Variants in HTN3 observed in about 807,000 individuals in gnomAD.
HTN3 encodes the protein histatin 3.
Under a neutral mutation model 10.6 loss-of-function variants are expected in HTN3, and 15 were observed. That is an observed-to-expected ratio of 1.42 (90% confidence interval 0.95 to 2.18). The LOEUF is 2.18. Among genes scored for constraint, HTN3 ranks in the 30% most tolerant of loss-of-function variants. The probability of loss-of-function intolerance (pLI) is 0.00; values close to 1 mark genes in which losing one functional copy is unlikely to be tolerated. For missense variants in HTN3, 68 were observed against 58.0 expected (o/e 1.17, Z -0.56); for synonymous variants, 15 against 16.9 (o/e 0.89, Z 0.27).
chr4:70,032,317 G>A (rs1232244699), intron 4 of HTN3, among the ~76,000 whole-genome samples: 4 of 152,090 alleles, frequency 2.6e-5, no homozygotes, highest in Middle Eastern at 6.8e-3. Flanking sequence ...ATTACACTCT[G>A]AATAAGTCAA....
intron 5 of HTN3, among the ~76,000 whole-genome samples, chr4:70,035,904 G>A (rs998315073): frequency 1.3e-5 from 2 of 152,124 alleles, no homozygotes. Context: ...TCCTCCAGGT[G>A]TTAGATAATT....
rs770364282 is a variant in HTN3 at position 70,032,127 on chromosome 4, T to C, written c.102+20T>C. ...TTCCATGTAAGTGTTCTTCTGATAA[T>C]GTGCACTCTGAATAAGTTTTCTTCT... On this transcript the variant is annotated intron_variant, in intron 4 of 5. Transcript: ENST00000673563. The C allele has an allele frequency of 6.9e-7, 1 of 1,453,300 alleles. No individual in the cohort carries two copies. Among genetic ancestry groups the C allele is most frequent in the African/African-American group, 1.4e-5 (1 of 70,978 alleles). The allele number at this position is 1,453,300 out of a possible 1,614,324, so 90.0% of individuals were successfully genotyped here.
In HTN3 at chr4:70,036,264, T is replaced by C. The variant is rs1725514269; in HGVS notation, c.*34-3T>C. The C allele has an allele frequency of 6.6e-6, 1 of 152,240 alleles. No homozygotes were observed. The highest frequency in any genetic ancestry group is 1.5e-5 in the Non-Finnish European group (1 of 68,034). The allele number at this position is 152,240 out of a possible 1,614,324, so 9.4% of individuals were successfully genotyped here. On this transcript the variant is annotated splice_region_variant and splice_polypyrimidine_tract_variant and intron_variant, in intron 5 of 5. Coordinates refer to ENST00000673563, the MANE Select transcript of HTN3 (RefSeq NM_000200.3). ...TAAAGTGTTATTTTCTTTTTCTTCA[T>C]AGGTTTGACTGGCAAATTCGCTTTG...
In HTN3 at chr4:70,033,220, A is replaced by G. The variant is rs1483636949; in HGVS notation, c.156A>G (p.Ter52TrpextTer4). The G allele has an allele frequency of 6.3e-7, 1 of 1,583,328 alleles. No homozygotes were observed. The highest frequency in any genetic ancestry group is 8.6e-7 in the Non-Finnish European group (1 of 1,156,192). ...GYRSNYLYDN[*>W] Reference sequence around the variant, plus strand: ...GATCAAATTATCTGTATGACAATTGATATCTTCAGTAATCACGGGGCATGA... The same window carrying G: ...GATCAAATTATCTGTATGACAATTGGTATCTTCAGTAATCACGGGGCATGA... Residue 52 changes from the stop codon to tryptophan (W), a stop_lost, in exon 5 of 6, where the codon TGA (stop) becomes TGG (tryptophan). Coordinates refer to ENST00000673563, the MANE Select transcript of HTN3 (RefSeq NM_000200.3).
intron 4 of HTN3, 106 bp from the exon 5 acceptor site, chr4:70,033,061 T>C (rs1300574013): frequency 6.6e-6 from 5 of 761,748 alleles, no homozygotes; most frequent in South Asian, 3.4e-5. Context: ...CACGAGGTCA[T>C]AACAACTTTA....
At chr4:70,033,108 T>C in intron 4 of HTN3, 59 bp from the exon 5 acceptor site, 1 of 1,272,680 alleles carries the variant, frequency 7.9e-7, no homozygotes, top group Non-Finnish European at 1.1e-6. Flanking sequence ...TTGTGAAGCA[T>C]TTTTACTGTC....
chr4:70,035,680 C>T (rs1294017576), intron 5 of HTN3, among the ~76,000 whole-genome samples: 1 of 152,066 alleles, frequency 6.6e-6, no homozygotes. Flanking sequence ...GTCATTTTTA[C>T]TTATCTATAT....
chr4:70,032,217 C>A, intron 4 of HTN3, 110 bp downstream of exon 4: 2 of 771,336 alleles, frequency 2.6e-6, no homozygotes, highest in Admixed American at 3.0e-5. Context: ...TCATTAATTG[C>A]TAAAGTGTAC....
In HTN3 at chr4:70,028,491, T is replaced by G. The variant is rs148888915; in HGVS notation, c.-39T>G. 325 of 152,320 alleles carry G rather than the reference T, an allele frequency of 2.1e-3. 3 individuals carry two copies. Among genetic ancestry groups the G allele is most frequent in the African/African-American group, 7.6e-3 (314 of 41,560 alleles). 9.4% of individuals were successfully genotyped at this position (152,320 alleles called of 1,614,324 possible). On this transcript the variant is annotated 5_prime_UTR_variant, in exon 1 of 6. Coordinates refer to ENST00000673563, the MANE Select transcript of HTN3 (RefSeq NM_000200.3). Reference sequence around the variant, plus strand: ...GAGACTTCACTTCAGCTTCACTGACTTCTGGATTCTCCTCTTGAGTAAAAG... The same window carrying G: ...GAGACTTCACTTCAGCTTCACTGACGTCTGGATTCTCCTCTTGAGTAAAAG...
chr4:70,030,013 T>C (rs914059883), intron 1 of HTN3, among the ~76,000 whole-genome samples: 1 of 152,218 alleles, frequency 6.6e-6, no homozygotes, highest in East Asian at 1.9e-4. Flanking sequence ...TCTAAATATG[T>C]CTTTACACTG....
At chr4:70,031,650 G>A (rs1578173867) in intron 2 of HTN3, among the ~76,000 whole-genome samples, 1 of 152,028 alleles carries the variant, frequency 6.6e-6, no homozygotes, top group East Asian at 1.9e-4. Context: ...GAGCTACATA[G>A]AACATATTCA....
intron 2 of HTN3, 36 bp downstream of exon 2, chr4:70,030,827 C>T (rs763376208): frequency 3.4e-6 from 5 of 1,457,564 alleles, no homozygotes; most frequent in Middle Eastern, 3.5e-4. Context: ...GATACATTCT[C>T]AGTACTTATC....
chr4:70,033,327 A>G, intron 5 of HTN3, 74 bp downstream of exon 5: 1 of 688,830 alleles, frequency 1.5e-6, no homozygotes, highest in South Asian at 1.9e-5. Context: ...AATTAAAAAA[A>G]AGCCATTAAG....
chr4:70,032,229 T>C (rs111345058), intron 4 of HTN3, 122 bp downstream of exon 4: 4 of 722,910 alleles, frequency 5.5e-6, no homozygotes, highest in African/African-American at 1.8e-5. Context: ...AAAGTGTACA[T>C]TGATTTCATT....
At chr4:70,031,552 G>A (rs1725381941) in intron 2 of HTN3, 1 of 155,952 alleles carries the variant, frequency 6.4e-6, no homozygotes, top group African/African-American at 2.4e-5. Flanking sequence ...AAGGATAGAA[G>A]TAGAAAAATA....
intron 4 of HTN3, 103 bp from the exon 5 acceptor site, chr4:70,033,064 C>CA: frequency 1.3e-6 from 1 of 779,642 alleles, no homozygotes; most frequent in Admixed American, 2.5e-5. Context: ...GAGGTCATAA[C>CA]AACTTTAACA....
intron 5 of HTN3, chr4:70,034,170 C>A (rs764493816): frequency 6.6e-6 from 1 of 151,946 alleles, no homozygotes; most frequent in East Asian, 1.9e-4. Context: ...GAAGAAAATG[C>A]CAAAAGCAAT....
chr4:70,032,219 A>G, intron 4 of HTN3, 112 bp downstream of exon 4: 1 of 769,824 alleles, frequency 1.3e-6, no homozygotes, highest in Non-Finnish European at 2.1e-6. Context: ...ATTAATTGCT[A>G]AAGTGTACAT....
rs28491522 is a variant in HTN3, at chr4:70,032,104, C to T, written c.99C>T (p.Phe33=). Residue 33 remains phenylalanine, a synonymous_variant, in exon 4 of 6, where the codon TTC becomes TTT. Coordinates refer to ENST00000673563, the MANE Select transcript of HTN3 (RefSeq NM_000200.3). ...GACATCATGGGTATAAAAGAAAATT[C>T]CATGTAAGTGTTCTTCTGATAATGT... ...AKRHHGYKRK[F]HEKHHSHRGY... 4,019 of 1,510,636 alleles carry T rather than the reference C, an allele frequency of 2.7e-3. 88 individuals carry two copies. In the African/African-American group the frequency reaches 0.049, roughly 18 times the overall value. The allele number at this position is 1,510,636 out of a possible 1,614,324, so 93.6% of individuals were successfully genotyped here. A position where few individuals can be genotyped will look rare whatever the true frequency, so the allele number is the denominator to read the frequency against.
Sources: gnomAD v4.1 joint callset for allele counts (sites outside exome capture counted in the v4.1 genomes callset) on GRCh38, gnomAD v4.1.1 for gene constraint, MANE v1.5 for transcripts, NCBI Gene and HGNC (gene_info 2026-07-23, HGNC 2026-07-21) for gene names.